IMMP1L: variants seen among roughly 807,000 people sequenced by gnomAD.
IMMP1L encodes inner mitochondrial membrane peptidase subunit 1, also known as mitochondrial inner membrane protease subunit 1.
In IMMP1L, 24 loss-of-function variants were observed where a neutral mutation model predicts 21.8. That is an observed-to-expected ratio of 1.10 (90% confidence interval 0.80 to 1.55). The LOEUF is 1.55. IMMP1L is among the 40% of genes most tolerant of loss of function. The pLI is 0.00. For missense variants in IMMP1L, 195 were observed against 200.7 expected, an observed-to-expected ratio of 0.97 and a Z score of 0.17; for synonymous variants, 46 against 62.8, an observed-to-expected ratio of 0.73 and a Z score of 1.26.
At chr11:31,467,455 C>G (rs944324400) in intron 1 of IMMP1L, among the ~76,000 whole-genome samples, 1 of 152,022 alleles carries the variant, frequency 6.6e-6, no homozygotes, top group Non-Finnish European at 1.5e-5. Context: ...TCTGAGGGGT[C>G]ATCCAATGGC....
intron 1 of IMMP1L, among the ~76,000 whole-genome samples, chr11:31,496,367 T>G (rs1420641747): frequency 6.6e-6 from 1 of 152,196 alleles, no homozygotes; most frequent in South Asian, 2.1e-4. Flanking sequence ...CCTTCCGCAC[T>G]CCTGGTGGGA....
At chr11:31,461,976 T>C (rs1954155611) in intron 2 of IMMP1L, among the ~76,000 whole-genome samples, 1 of 152,132 alleles carries the variant, frequency 6.6e-6, no homozygotes, top group Admixed American at 6.6e-5. Context: ...TTACAGTTTG[T>C]TTGCTACCTT....
chr11:31,490,566 A>G (rs1016343069), intron 1 of IMMP1L, among the ~76,000 whole-genome samples: 3 of 152,138 alleles, frequency 2.0e-5, no homozygotes, highest in Admixed American at 2.0e-4. Flanking sequence ...AGCACTCTCT[A>G]ATATAAACAT....
chr11:31,490,716 G>C (rs1013947191), intron 1 of IMMP1L, among the ~76,000 whole-genome samples: 1 of 151,926 alleles, frequency 6.6e-6, no homozygotes, highest in East Asian at 1.9e-4. Context: ...TTGAGAAATG[G>C]TCCCCCTTCC....
At chr11:31,454,878 C>A (rs1351952045) in intron 4 of IMMP1L, among the ~76,000 whole-genome samples, 1 of 152,136 alleles carries the variant, frequency 6.6e-6, no homozygotes, top group African/African-American at 2.4e-5. Context: ...TTCAAGTACA[C>A]ACATGATGCT....
chr11:31,445,032 G>C (rs1475785466), intron 4 of IMMP1L, among the ~76,000 whole-genome samples: 1 of 151,912 alleles, frequency 6.6e-6, no homozygotes, highest in Non-Finnish European at 1.5e-5. Flanking sequence ...CTGCTATTTT[G>C]AGATTTGGAT....
chr11:31,436,160 C>T (rs551886225), intron 4 of IMMP1L, among the ~76,000 whole-genome samples: 5 of 152,158 alleles, frequency 3.3e-5, no homozygotes, highest in Admixed American at 2.6e-4. Flanking sequence ...TTATTGCAAA[C>T]ATTTTTCCCA....
intron 4 of IMMP1L, among the ~76,000 whole-genome samples, chr11:31,446,312 C>T (rs1430810448): frequency 3.3e-5 from 5 of 152,166 alleles, no homozygotes; most frequent in African/African-American, 7.2e-5. Context: ...ATTAACTGGT[C>T]TCTCTGCCTC....
At chr11:31,497,610 C>T (rs552359669) in intron 1 of IMMP1L, among the ~76,000 whole-genome samples, 115 of 152,162 alleles carry the variant, frequency 7.6e-4, no homozygotes, top group African/African-American at 2.5e-3. Context: ...TAGAGGCACG[C>T]GCTACCACGC....
intron 1 of IMMP1L, among the ~76,000 whole-genome samples, chr11:31,466,333 A>T (rs1014040820): frequency 6.6e-6 from 1 of 152,066 alleles, no homozygotes; most frequent in Non-Finnish European, 1.5e-5. Flanking sequence ...CAGTCATGGA[A>T]AACAGTGTGG....
chr11:31,434,674 G>T (rs749265321), intron 4 of IMMP1L, among the ~76,000 whole-genome samples: 1 of 151,896 alleles, frequency 6.6e-6, no homozygotes, highest in Non-Finnish European at 1.5e-5. Context: ...TTTCACTTAC[G>T]TAAGCGATTT....
intron 1 of IMMP1L, among the ~76,000 whole-genome samples, chr11:31,494,543 T>A (rs1436251112): frequency 6.6e-6 from 1 of 152,238 alleles, no homozygotes; most frequent in Non-Finnish European, 1.5e-5. Context: ...TGATTAACAC[T>A]GGGCTCCTTG....
intron 1 of IMMP1L, among the ~76,000 whole-genome samples, chr11:31,463,691 A>G (rs1954230936): frequency 6.6e-6 from 1 of 152,166 alleles, no homozygotes; most frequent in African/African-American, 2.4e-5. Flanking sequence ...TGTAATAGGA[A>G]ATAATGGAGA....
At chr11:31,471,091 T>C (rs552887804) in intron 1 of IMMP1L, among the ~76,000 whole-genome samples, 14 of 152,294 alleles carry the variant, frequency 9.2e-5, no homozygotes, top group South Asian at 4.1e-4. Context: ...TTAGTGCATA[T>C]TTTCAAAGAG....
chr11:31,456,787 C>A (rs575058056), intron 3 of IMMP1L, among the ~76,000 whole-genome samples: 1 of 139,438 alleles, frequency 7.2e-6, no homozygotes, highest in African/African-American at 2.7e-5. Flanking sequence ...TGGGAGGCTA[C>A]GGCAAGAGGA....
chr11:31,509,491 G>A lies in IMMP1L; in HGVS notation c.-30+28C>T, dbSNP rs1955925528. ...CAATGTGAATGAAGGCACTCAAAAG[G>A]AGAAGAACGTTACGTGATATTACCT... On this transcript the variant is annotated intron_variant, in intron 1 of 5. Coordinates refer to ENST00000532287, the MANE Select transcript of IMMP1L (RefSeq NM_001304274.2). 1.1e-4 allele frequency: 52 copies of A among 476,380 alleles called. 1 individual carries two copies. In the South Asian group the frequency reaches 1.2e-3, roughly 11 times the overall value. 29.5% of individuals were successfully genotyped at this position (476,380 alleles called of 1,614,324 possible).
chr11:31,457,422 T>A (rs1043196380), intron 3 of IMMP1L, among the ~76,000 whole-genome samples: 3 of 152,216 alleles, frequency 2.0e-5, no homozygotes, highest in Non-Finnish European at 2.9e-5. Context: ...ACGAGCAATA[T>A]GTGAATTCTG....
intron 4 of IMMP1L, among the ~76,000 whole-genome samples, chr11:31,445,856 A>G (rs759211861): frequency 2.0e-5 from 3 of 152,192 alleles, no homozygotes; most frequent in Non-Finnish European, 2.9e-5. Flanking sequence ...TTAAAAAGTA[A>G]GAATGATCTA....
At chr11:31,469,041 C>T (rs560045358) in intron 1 of IMMP1L, among the ~76,000 whole-genome samples, 1 of 152,200 alleles carries the variant, frequency 6.6e-6, no homozygotes, top group African/African-American at 2.4e-5. Flanking sequence ...ATTTGCATTT[C>T]CTTAACAACA....
Sources: gnomAD v4.1 joint callset for allele counts (sites outside exome capture counted in the v4.1 genomes callset) on GRCh38, gnomAD v4.1.1 for gene constraint, MANE v1.5 for transcripts, NCBI Gene and HGNC (gene_info 2026-07-23, HGNC 2026-07-21) for gene names.